Variants in DDN observed in about 807,000 individuals in gnomAD.
The protein encoded by DDN is dendrin.
DDN carries 4 observed loss-of-function variants against 7.3 expected under a neutral mutation model. That is an observed-to-expected ratio of 0.55 (90% CI 0.27 to 1.25). DDN has a LOEUF of 1.25. Ranked by LOEUF, DDN falls within the 50% of genes most tolerant of loss-of-function variation. DDN has a pLI of 0.12. For synonymous variants in DDN, 425 were observed against 424.3 expected (o/e 1.00, Z -0.02); for missense variants, 933 against 974.7 (o/e 0.96, Z 0.57).
chr12:48,998,737 G>A, intron 1 of DDN, 71 bp from the exon 2 acceptor site: 1 of 1,421,850 alleles, frequency 7.0e-7, no homozygotes, highest in South Asian at 1.6e-5. Flanking sequence ...GGAGCTGGGA[G>A]CACTGGAGAC....
chr12:48,998,768 A>C, intron 1 of DDN, 102 bp from the exon 2 acceptor site: 1 of 1,364,146 alleles, frequency 7.3e-7, no homozygotes, highest in Non-Finnish European at 9.6e-7. Flanking sequence ...AGCCATGTGA[A>C]GGGGTGTGTG....
In DDN at chr12:48,999,107, G is replaced by C. The variant is rs371650873; in HGVS notation, c.181C>G (p.His61Asp). 55 of 1,613,982 alleles carry C rather than the reference G, an allele frequency of 3.4e-5. No homozygotes were observed. Among genetic ancestry groups the C allele is most frequent in the Non-Finnish European group, 4.5e-5 (53 of 1,179,998 alleles). Residue 61 changes from histidine (H) to aspartate (D), a missense_variant, in exon 1 of 2, where the codon CAC (histidine) becomes GAC (aspartate). Coordinates refer to ENST00000421952, the MANE Select transcript of DDN (RefSeq NM_015086.2). The part of the protein sequence containing the change: ...SRQPMDFQAS[H>D]WARGFQNRTC... The stretch of plus-strand genomic sequence containing the variant: ...CGGTTCTGGAACCCGCGAGCCCAGT[G>C]GCTGGCCTGGAAGTCCATGGGCTGT...
rs1487950424 is a variant in DDN at position 48,995,765 on chromosome 12, C to A, written c.*975G>T. 1 of 152,454 alleles carries A rather than the reference C, an allele frequency of 6.6e-6. No homozygotes were observed. The highest frequency in any genetic ancestry group is 1.9e-4 in the East Asian group (1 of 5,192). The allele number at this position is 152,454 out of a possible 1,614,324, so 9.4% of individuals were successfully genotyped here. A position where few individuals can be genotyped will look rare whatever the true frequency, so the allele number is the denominator to read the frequency against. ...AGATCGTGGCCACGCCTCAGAGCAT[C>A]ACTAAGGAGCATCGGGGTGGAGGAA... On this transcript the variant is annotated 3_prime_UTR_variant, in exon 2 of 2. Coordinates refer to ENST00000421952, the MANE Select transcript of DDN (RefSeq NM_015086.2).
Position 48,996,566 on chromosome 12 carries a change from A to G in DDN, c.*174T>C. On this transcript the variant is annotated 3_prime_UTR_variant, in exon 2 of 2. Transcript: ENST00000421952. ...TCTGCTCATTCTCACCTCTCCTGAA[A>G]CAAAATCATTAATGGGCATATGCTT... 1 of 1,175,440 alleles carries G rather than the reference A, an allele frequency of 8.5e-7. No individual in the cohort carries two copies. The highest frequency in any genetic ancestry group is 1.2e-6 in the Non-Finnish European group (1 of 864,854). The allele number at this position is 1,175,440 out of a possible 1,614,324, so 72.8% of individuals were successfully genotyped here.
rs748596144 is a variant in DDN at position 48,998,183 on chromosome 12, A to C, written c.693T>G (p.Pro231=). Residue 231 remains proline (P), a synonymous_variant, in exon 2 of 2, where the codon CCT becomes CCG. Coordinates refer to ENST00000421952, the MANE Select transcript of DDN (RefSeq NM_015086.2). ...WDRPPPYVAP[P]SYEGPHRTLG... is the part of the protein sequence containing the mutation. Reference sequence around the variant, plus strand: ...AGGTCCTATGGGGGCCTTCGTAAGAAGGTGGAGCCACGTAGGGTGGCGGCC... The same window carrying C: ...AGGTCCTATGGGGGCCTTCGTAAGACGGTGGAGCCACGTAGGGTGGCGGCC... The C allele has an allele frequency of 5.0e-6, 8 of 1,612,776 alleles. No individual in the cohort carries two copies. Among genetic ancestry groups the C allele is most frequent in the South Asian group, 2.2e-5 (2 of 91,072 alleles).
chr12:48,997,712 G>A lies in DDN; in HGVS notation c.1164C>T (p.Pro388=), dbSNP rs746670268. Reference sequence around the variant, plus strand: ...GGCGGGGCGGCTGCTTTTTAGGGGAGGGAATCCAGCATTTGGGAAACCAGA... The same window carrying A: ...GGCGGGGCGGCTGCTTTTTAGGGGAAGGAATCCAGCATTTGGGAAACCAGA... ...EQIWFPKCWI[P]SPKKQPPRHS... Residue 388 remains proline (P), a synonymous_variant, in exon 2 of 2, where the codon CCC becomes CCT. Coordinates refer to ENST00000421952, the MANE Select transcript of DDN (RefSeq NM_015086.2). 1 of 1,579,478 alleles carries A rather than the reference G, an allele frequency of 6.3e-7. No homozygotes were observed. Among genetic ancestry groups the A allele is most frequent in the Non-Finnish European group, 8.6e-7 (1 of 1,159,766 alleles).
Position 48,997,612 on chromosome 12 carries a change from C to A in DDN, c.1264G>T (p.Ala422Ser). 6.4e-7 allele frequency: 1 copy of A among 1,557,866 alleles called. No homozygotes were observed. Among genetic ancestry groups the A allele is most frequent in the Admixed American group, 1.9e-5 (1 of 53,296 alleles). Residue 422 changes from alanine to serine, a missense_variant, in exon 2 of 2, where the codon GCA becomes TCA. Ala to Ser is a moderately conservative substitution (Grantham distance 99, BLOSUM62 1). Transcript: ENST00000421952. The part of the protein sequence containing the change: ...WRESLGLGEG[A>S]GPETLEGWKA... ...CAACCCTCCAGGGTCTCCGGTCCTG[C>A]CCCCTCTCCAAGACCCAGAGATTCT... is the stretch of plus-strand genomic sequence containing the variant.
rs1169584602 is a variant in DDN, at chr12:48,998,216, G to C, written c.660C>G (p.Arg220=). ...CCACGTAGGGTGGCGGCCGGTCCCAGCGGCGTCGTGGGGCGGTCCCGGCAG... is the reference window on the plus strand; with the variant it reads ...CCACGTAGGGTGGCGGCCGGTCCCACCGGCGTCGTGGGGCGGTCCCGGCAG... ...RGSAGTAPRR[R]WDRPPPYVAP... Residue 220 remains arginine (R), a synonymous_variant, in exon 2 of 2, where the codon CGC becomes CGG. Coordinates refer to ENST00000421952, the MANE Select transcript of DDN (RefSeq NM_015086.2). 6.2e-7 allele frequency: 1 copy of C among 1,612,566 alleles called. No homozygotes were observed. Among genetic ancestry groups the C allele is most frequent in the Non-Finnish European group, 8.5e-7 (1 of 1,179,794 alleles).
Position 48,997,103 on chromosome 12 carries a change from C to A in DDN, c.1773G>T (p.Val591=), listed in dbSNP as rs763166047. ...QGRAEGSEVA[V]VQRRAGRGWA... Reference sequence around the variant, plus strand: ...AGCCCCGGCCGGCGCGCCGCTGGACCACCGCCACTTCCGACCCCTCGGCTC... The same window carrying A: ...AGCCCCGGCCGGCGCGCCGCTGGACAACCGCCACTTCCGACCCCTCGGCTC... Residue 591 remains valine (V), a synonymous_variant, in exon 2 of 2, where the codon GTG becomes GTT. Transcript: ENST00000421952. 1 of 1,524,450 alleles carries A rather than the reference C, an allele frequency of 6.6e-7. No homozygotes were observed. 94.4% of individuals were successfully genotyped at this position (1,524,450 alleles called of 1,614,324 possible).
chr12:48,996,798 A>T lies in DDN; in HGVS notation c.2078T>A (p.Val693Asp). The part of the protein sequence containing the change: ...ILDVISQTEE[V>D]LFGVRDIRGT... ...TCTGATGTCCCTCACCCCGAAGAGG[A>T]CCTCCTCGGTTTGGCTTATGACATC... The change falls in exon 2 of 2, where the codon GTC (valine) becomes GAC (aspartate). Residue 693 changes from valine (V) to aspartate (D), a missense_variant. Physicochemically the swap from Val to Asp is radical, Grantham distance 152. Coordinates refer to ENST00000421952, the MANE Select transcript of DDN (RefSeq NM_015086.2). 1 of 1,613,708 alleles carries T rather than the reference A, an allele frequency of 6.2e-7. No individual in the cohort carries two copies. The highest frequency in any genetic ancestry group is 8.5e-7 in the Non-Finnish European group (1 of 1,179,922).
At position 48,998,422 on chromosome 12, in the gene DDN, G is replaced by T; in HGVS notation, c.454C>A (p.Arg152=). 1 of 1,513,910 alleles carries T rather than the reference G, an allele frequency of 6.6e-7. No individual in the cohort carries two copies. The highest frequency in any genetic ancestry group is 8.8e-7 in the Non-Finnish European group (1 of 1,140,684). The allele number at this position is 1,513,910 out of a possible 1,614,324, so 93.8% of individuals were successfully genotyped here. A position where few individuals can be genotyped will look rare whatever the true frequency, so the allele number is the denominator to read the frequency against. ...GGGAGCCCTGCCAGCTGGGCCACCC[G>T]AGGGGCGTTGCGGGGCTCCGGGCGG... ...RPRPEPRNAP[R]VAQLAGLPAP... Residue 152 remains arginine, a synonymous_variant, in exon 2 of 2, where the codon CGG becomes AGG. Coordinates refer to ENST00000421952, the MANE Select transcript of DDN (RefSeq NM_015086.2).
chr12:48,999,112 G>A lies in DDN; in HGVS notation c.176C>T (p.Ala59Val). Residue 59 changes from alanine (A) to valine (V), a missense_variant, in exon 1 of 2, where the codon GCC becomes GTC. Ala to Val is a moderately conservative substitution (Grantham distance 64, BLOSUM62 0). Transcript: ENST00000421952. ...CTGGAACCCGCGAGCCCAGTGGCTG[G>A]CCTGGAAGTCCATGGGCTGTCGAGA... ...APSRQPMDFQASHWARGFQNR... is the reference protein window; with the variant it reads ...APSRQPMDFQVSHWARGFQNR... 6.2e-7 allele frequency: 1 copy of A among 1,614,128 alleles called. No homozygotes were observed. Among genetic ancestry groups the A allele is most frequent in the South Asian group, 1.1e-5 (1 of 91,082 alleles).
rs772269292 is a variant in DDN, at chr12:48,997,312, G to T, written c.1564C>A (p.Gln522Lys). Residue 522 changes from glutamine (Q) to lysine (K), a missense_variant, in exon 2 of 2, where the codon CAG (glutamine) becomes AAG (lysine). Transcript: ENST00000421952. ...KRLSSSRLLH[Q>K]PGGGRGGEAE... is the part of the protein sequence containing the mutation. ...TCGCCCCCGCGGCCCCCGCCGGGCT[G>T]GTGTAAAAGGCGACTGCTCGACAGC... 1.2e-6 allele frequency: 2 copies of T among 1,609,722 alleles called. No individual in the cohort carries two copies. Among genetic ancestry groups the T allele is most frequent in the South Asian group, 2.2e-5 (2 of 90,794 alleles).
Position 48,998,137 on chromosome 12 carries a change from C to T in DDN, c.739G>A (p.Gly247Arg), listed in dbSNP as rs746007087. The T allele has an allele frequency of 3.1e-6, 5 of 1,613,652 alleles. No homozygotes were observed. In the Admixed American group the frequency reaches 8.3e-5, roughly 27 times the overall value. Residue 247 changes from glycine to arginine, a missense_variant, in exon 2 of 2, where the codon GGG becomes AGG. Physicochemically the swap from Gly to Arg is moderately radical, Grantham distance 125. Coordinates refer to ENST00000421952, the MANE Select transcript of DDN (RefSeq NM_015086.2). The stretch of plus-strand genomic sequence containing the variant: ...GATGAAGTGGGCACCTGAGAGTTCC[C>T]GGGGCCTCTCTTAGTCCCCAAGGTC... ...HRTLGTKRGPGNSQVPTSSAP... is the reference protein window; with the variant it reads ...HRTLGTKRGPRNSQVPTSSAP...
Position 48,996,534 on chromosome 12 carries a change from A to T in DDN, c.*206T>A. The T allele has an allele frequency of 1.2e-6, 1 of 826,246 alleles. No individual in the cohort carries two copies. Among genetic ancestry groups the T allele is most frequent in the Non-Finnish European group, 1.8e-6 (1 of 552,848 alleles). The allele number at this position is 826,246 out of a possible 1,614,324, so 51.2% of individuals were successfully genotyped here. A position where few individuals can be genotyped will look rare whatever the true frequency, so the allele number is the denominator to read the frequency against. ...TTGTGCCCTGAACATAACAGACATT[A>T]ATTAAATCTGCTCATTCTCACCTCT... On this transcript the variant is annotated 3_prime_UTR_variant, in exon 2 of 2. Transcript: ENST00000421952.
Position 48,997,494 on chromosome 12 carries a change from A to C in DDN, c.1382T>G (p.Val461Gly). The part of the protein sequence containing the change: ...GVFVIDATCV[V>G]IRSQYVPTPR... Reference sequence around the variant, plus strand: ...GGTTGGAACATATTGGGATCGTATCACTACGCACGTGGCGTCAATGACAAA... The same window carrying C: ...GGTTGGAACATATTGGGATCGTATCCCTACGCACGTGGCGTCAATGACAAA... The change falls in exon 2 of 2, where the codon GTG becomes GGG. Residue 461 changes from valine to glycine, a missense_variant. Transcript: ENST00000421952. 6.2e-7 allele frequency: 1 copy of C among 1,610,248 alleles called. No individual in the cohort carries two copies. The highest frequency in any genetic ancestry group is 8.5e-7 in the Non-Finnish European group (1 of 1,177,064).
In DDN at chr12:48,998,342, G is replaced by A; in HGVS notation, c.534C>T (p.Ser178=). The change falls in exon 2 of 2, where the codon TCC becomes TCT. Residue 178 remains serine (S), a synonymous_variant. Coordinates refer to ENST00000421952, the MANE Select transcript of DDN (RefSeq NM_015086.2). The part of the protein sequence containing the change: ...LAPVGRAPRP[S]AQPQSDPGSA... Reference sequence around the variant, plus strand: ...ACCCTGGGTCGCTCTGCGGCTGCGCGGATGGACGGGGCGCTCGCCCCACAG... The same window carrying A: ...ACCCTGGGTCGCTCTGCGGCTGCGCAGATGGACGGGGCGCTCGCCCCACAG... The A allele has an allele frequency of 2.6e-6, 4 of 1,523,362 alleles. No homozygotes were observed. Among genetic ancestry groups the A allele is most frequent in the Non-Finnish European group, 3.5e-6 (4 of 1,142,888 alleles). 94.4% of individuals were successfully genotyped at this position (1,523,362 alleles called of 1,614,324 possible).
intron 1 of DDN, 50 bp downstream of exon 1, chr12:48,999,029 C>A (rs1336054328): frequency 6.3e-7 from 1 of 1,596,988 alleles, no homozygotes; most frequent in Admixed American, 1.7e-5. Context: ...GAGGTCCGGA[C>A]CCCACTCCCC....
chr12:48,998,252 C>A lies in DDN; in HGVS notation c.624G>T (p.Leu208=). 1.9e-6 allele frequency: 3 copies of A among 1,611,456 alleles called. No homozygotes were observed. Among genetic ancestry groups the A allele is most frequent in the Non-Finnish European group, 8.5e-7 (1 of 1,179,322 alleles). ...PGPPSYEAHL[L]LRGSAGTAPR... is the part of the protein sequence containing the mutation. ...GGGCGGTCCCGGCAGAACCTCTCAGCAGCAGGTGAGCCTCGTAGCTTGGGG... is the reference window on the plus strand; with the variant it reads ...GGGCGGTCCCGGCAGAACCTCTCAGAAGCAGGTGAGCCTCGTAGCTTGGGG... Residue 208 remains leucine, a synonymous_variant, in exon 2 of 2, where the codon CTG becomes CTT. Transcript: ENST00000421952.
Sources: gnomAD v4.1 joint callset for allele counts on GRCh38, gnomAD v4.1.1 for gene constraint, MANE v1.5 for transcripts, NCBI Gene and HGNC (gene_info 2026-07-23, HGNC 2026-07-21) for gene names.